AFF2: variants seen among roughly 807,000 people sequenced by gnomAD.
AFF2 encodes ALF transcription elongation factor 2.
Under a neutral mutation model 76.9 loss-of-function variants are expected in AFF2, and 14 were observed. That is an observed-to-expected ratio of 0.18 (90% CI 0.12 to 0.28). The LOEUF (loss-of-function observed/expected upper bound fraction) is 0.28. Ranked by LOEUF, AFF2 falls within the 10% of genes least tolerant of loss-of-function variation. The pLI is 1.00. For synonymous variants in AFF2, 398 were observed against 366.7 expected, an observed-to-expected ratio of 1.09 and a Z score of -0.98; for missense variants, 868 against 1,001.1, an observed-to-expected ratio of 0.87 and a Z score of 1.79.
intron 3 of AFF2, among the ~76,000 whole-genome samples, chrX:148,756,209 C>T (rs1323877315): frequency 8.9e-6 from 1 of 112,406 alleles, no homozygotes; most frequent in African/African-American, 3.2e-5. Context: ...TGAAATAAAC[C>T]ATGTGAAGTG....
chrX:148,965,852 A>G (rs1395189724), intron 13 of AFF2, among the ~76,000 whole-genome samples: 2 of 111,387 alleles, frequency 1.8e-5, no homozygotes, highest in African/African-American at 3.3e-5. Context: ...GGGAACACCA[A>G]TGTTAGAGAG....
chrX:148,882,575 C>A (rs782574968), intron 7 of AFF2, among the ~76,000 whole-genome samples: 1 of 111,341 alleles, frequency 9.0e-6, no homozygotes, highest in African/African-American at 3.3e-5. Context: ...CACAGGCATA[C>A]ATTTATATGA....
intron 1 of AFF2, among the ~76,000 whole-genome samples, chrX:148,581,013 A>C: frequency 1.0e-5 from 1 of 98,041 alleles, no homozygotes. Flanking sequence ...CACCTCCTAC[A>C]CACAAACATA....
chrX:148,819,068 C>T (rs1307582148), intron 4 of AFF2, among the ~76,000 whole-genome samples: 1 of 110,890 alleles, frequency 9.0e-6, no homozygotes, highest in African/African-American at 3.3e-5. Flanking sequence ...CATATAGTAA[C>T]TCATATAATC....
At chrX:148,619,733 C>T (rs1433900342) in intron 1 of AFF2, among the ~76,000 whole-genome samples, 4 of 111,653 alleles carry the variant, frequency 3.6e-5, no homozygotes, top group Admixed American at 9.5e-5. Flanking sequence ...AGAAGTCAAA[C>T]GGATGATATG....
chrX:148,609,696 G>A (rs7881705), intron 1 of AFF2, among the ~76,000 whole-genome samples: 29,763 of 110,607 alleles, frequency 0.27, 3,505 homozygotes, highest in African/African-American at 0.47. Context: ...CAGTATGTGC[G>A]TTATAACCAG....
chrX:148,578,665 G>T (rs1370985227), intron 1 of AFF2, among the ~76,000 whole-genome samples: 4 of 111,975 alleles, frequency 3.6e-5, no homozygotes, highest in African/African-American at 1.3e-4. Flanking sequence ...TCTTACTGTG[G>T]ATTATTTTTG....
chrX:148,900,019 C>T (rs1420061129), intron 8 of AFF2, among the ~76,000 whole-genome samples: 1 of 110,215 alleles, frequency 9.1e-6, no homozygotes, highest in African/African-American at 3.3e-5. Context: ...GTCCAATAGA[C>T]ATGTCTATTT....
At chrX:148,676,057 ATTTT>A (rs59875267) in intron 3 of AFF2, among the ~76,000 whole-genome samples, 3 of 91,540 alleles carry the variant, frequency 3.3e-5, no homozygotes, top group South Asian at 4.8e-4. Flanking sequence ...ATGAATTGTG[ATTTT>A]TTTTTTTTTT....
intron 8 of AFF2, among the ~76,000 whole-genome samples, chrX:148,901,803 G>A (rs1320942134): frequency 3.6e-5 from 4 of 111,707 alleles, no homozygotes; most frequent in Middle Eastern, 4.6e-3. Flanking sequence ...AACACATTGC[G>A]AGCTTTTTCT....
chrX:148,943,460 G>A (rs2071864458), intron 9 of AFF2, among the ~76,000 whole-genome samples: 1 of 111,847 alleles, frequency 8.9e-6, no homozygotes, highest in African/African-American at 3.3e-5. Context: ...GATGAGTTTT[G>A]TAGTGGGTTT....
At chrX:148,662,953 T>A (rs183931141) in intron 3 of AFF2, among the ~76,000 whole-genome samples, 185 bp downstream of exon 3, 36 of 112,084 alleles carry the variant, frequency 3.2e-4, no homozygotes, top group African/African-American at 9.7e-4. Context: ...ACGCTGCAAA[T>A]AGAGTTAAAT....
chrX:148,860,515 G>C (rs782294403), intron 7 of AFF2, among the ~76,000 whole-genome samples: 44 of 111,688 alleles, frequency 3.9e-4, no homozygotes, highest in African/African-American at 1.3e-3. Flanking sequence ...AGAGCAAAAT[G>C]ACGCTGGAAA....
chrX:148,527,226 A>G (rs1256534265), intron 1 of AFF2, among the ~76,000 whole-genome samples: 1 of 112,015 alleles, frequency 8.9e-6, no homozygotes, highest in African/African-American at 3.2e-5. Flanking sequence ...ATTTCTGCCA[A>G]TAGTACATAA....
rs376353966 is a variant in AFF2, at chrX:148,894,560, T to C, written c.1359+8575T>C. On this transcript the variant is annotated intron_variant, in intron 8 of 20. Coordinates refer to ENST00000370460, the MANE Select transcript of AFF2 (RefSeq NM_002025.4). ...AAAATGTATGGGGCCACATAACTCG[T>C]ATTTCACACAGCAAAAATTTCATAG... is the stretch of plus-strand genomic sequence containing the variant. 9.8e-5 allele frequency among the ~76,000 whole-genome samples: 11 copies of C among 111,745 alleles called. No homozygotes were observed. In the East Asian group the frequency reaches 2.5e-3, roughly 26 times the overall value.
At chrX:148,852,085 C>T (rs2124003282) in intron 7 of AFF2, among the ~76,000 whole-genome samples, 1 of 111,504 alleles carries the variant, frequency 9.0e-6, no homozygotes, top group East Asian at 2.8e-4. Flanking sequence ...CATAGCATTC[C>T]ATGGGATATA....
chrX:148,911,160 G>A (rs1309940575), intron 9 of AFF2, among the ~76,000 whole-genome samples: 1 of 109,476 alleles, frequency 9.1e-6, no homozygotes, highest in Non-Finnish European at 1.9e-5. Context: ...ACACACACAC[G>A]TGCACACACA....
chrX:148,821,477 A>G (rs1557272544), intron 4 of AFF2, among the ~76,000 whole-genome samples: 1 of 110,387 alleles, frequency 9.1e-6, no homozygotes, highest in African/African-American at 3.3e-5. Context: ...TACCTCACAT[A>G]TTGCCAATTC....
intron 1 of AFF2, among the ~76,000 whole-genome samples, chrX:148,605,803 T>C (rs1557248714): frequency 8.9e-6 from 1 of 112,125 alleles, no homozygotes; most frequent in East Asian, 2.8e-4. Flanking sequence ...CATGAGTTCA[T>C]ACTGCTATGA....
Sources: gnomAD v4.1 joint callset for allele counts (sites outside exome capture counted in the v4.1 genomes callset) on GRCh38, gnomAD v4.1.1 for gene constraint, MANE v1.5 for transcripts, NCBI Gene and HGNC (gene_info 2026-07-23, HGNC 2026-07-21) for gene names.